Variants in LDB3 observed in about 807,000 individuals in gnomAD.
The protein encoded by LDB3 is LIM domain-binding protein 3.
A neutral mutation model predicts 69.0 loss-of-function variants in LDB3; 49 were observed. That is an observed-to-expected ratio of 0.71 (90% CI 0.56 to 0.90). The LOEUF (loss-of-function observed/expected upper bound fraction) is 0.90, where lower values mean the gene tolerates loss of function less well. LDB3 is among the 40% of genes least tolerant of loss of function. LDB3 has a pLI of 0.00. For missense variants in LDB3, 928 were observed against 974.1 expected (o/e 0.95, Z 0.63); for synonymous variants, 387 against 396.2 (o/e 0.98, Z 0.28).
Position 86,681,275 on chromosome 10 carries a change from A to G in LDB3, c.322-161A>G, listed in dbSNP as rs2675686. ...GAGCCATGTGCCTGCCTGCTCCTCC[A>G]CCAGTGTCCTCCCCTCCAAGTGCTG... On this transcript the variant is annotated intron_variant, in intron 4 of 13. Coordinates refer to ENST00000361373, the MANE Select transcript of LDB3 (RefSeq NM_007078.3). Among the ~76,000 whole-genome samples the G allele has an allele frequency of 0.23, 34,925 of 152,310 alleles. 4,519 individuals are homozygous for G. The highest frequency in any genetic ancestry group is 0.34 in the African/African-American group (14,208 of 41,560).
chr10:86,693,836 C>T (rs1405105891), intron 7 of LDB3, among the ~76,000 whole-genome samples: 1 of 152,210 alleles, frequency 6.6e-6, no homozygotes, highest in Non-Finnish European at 1.5e-5. Context: ...TCTTAGAAGC[C>T]ACCCATGTAG....
intron 5 of LDB3, among the ~76,000 whole-genome samples, chr10:86,689,548 C>A (rs554366464): frequency 6.6e-6 from 1 of 152,340 alleles, no homozygotes; most frequent in African/African-American, 2.4e-5. Context: ...GGGTGCATAC[C>A]TGTGTTCTTC....
chr10:86,708,470 C>T (rs1846525694), intron 8 of LDB3, among the ~76,000 whole-genome samples: 1 of 152,166 alleles, frequency 6.6e-6, no homozygotes, highest in Non-Finnish European at 1.5e-5. Context: ...TGACTCAGGA[C>T]CTGTAGCTCC....
At chr10:86,709,602 A>G (rs1846563334) in intron 8 of LDB3, among the ~76,000 whole-genome samples, 1 of 151,992 alleles carries the variant, frequency 6.6e-6, no homozygotes, top group Admixed American at 6.5e-5. Flanking sequence ...TCCCCTACCT[A>G]TGCGCTCTTC....
intron 5 of LDB3, among the ~76,000 whole-genome samples, chr10:86,684,179 A>G (rs10887648): frequency 0.2 from 29,764 of 152,206 alleles, 3,396 homozygotes; most frequent in African/African-American, 0.32. Context: ...CTCCCTTCTG[A>G]GGCTGGCACT....
chr10:86,705,860 TG>T (rs1277833976), intron 7 of LDB3, among the ~76,000 whole-genome samples: 6 of 152,332 alleles, frequency 3.9e-5, no homozygotes, highest in Admixed American at 3.9e-4. Flanking sequence ...ACCATGGGCA[TG>T]GGGAACCCTG....
chr10:86,674,761 A>G (rs1844689362), intron 2 of LDB3, among the ~76,000 whole-genome samples: 1 of 152,190 alleles, frequency 6.6e-6, no homozygotes, highest in Non-Finnish European at 1.5e-5. Context: ...GAAACACAGA[A>G]AGGAAAGAGG....
intron 7 of LDB3, 58 bp from the exon 8 acceptor site, chr10:86,706,473 G>A: frequency 6.3e-7 from 1 of 1,582,224 alleles, no homozygotes; most frequent in Non-Finnish European, 8.6e-7. Context: ...ATGCAGAGGG[G>A]CCTCACAGGG....
At chr10:86,721,246 T>C (rs56999074) in intron 12 of LDB3, among the ~76,000 whole-genome samples, 1 of 152,334 alleles carries the variant, frequency 6.6e-6, no homozygotes, top group Non-Finnish European at 1.5e-5. Flanking sequence ...TTATTTTCTG[T>C]TTTTTAAAAA....
intron 13 of LDB3, among the ~76,000 whole-genome samples, chr10:86,731,129 T>C (rs1847441354): frequency 6.9e-6 from 1 of 145,726 alleles, no homozygotes; most frequent in African/African-American, 2.5e-5. Flanking sequence ...CACTCCAGCC[T>C]GGGTGACAGA....
At chr10:86,724,618 TAAA>T (rs1488787730) in intron 12 of LDB3, among the ~76,000 whole-genome samples, 1 of 150,040 alleles carries the variant, frequency 6.7e-6, no homozygotes, top group Non-Finnish European at 1.5e-5. Flanking sequence ...AAAATAAAAA[TAAA>T]AAATAAATAA....
upstream of LDB3, chr10:86,666,956 C>A (rs947486093): frequency 6.9e-6 from 3 of 432,014 alleles, no homozygotes; most frequent in Non-Finnish European, 1.4e-5. Flanking sequence ...TGGACAAACA[C>A]CCCTAGGAAA....
chr10:86,667,571 C>A (rs1844229701), upstream of LDB3, among the ~76,000 whole-genome samples: 1 of 152,226 alleles, frequency 6.6e-6, no homozygotes, highest in South Asian at 2.1e-4. Flanking sequence ...CTGTGTCTAG[C>A]AGCTGAGCAA....
intron 5 of LDB3, among the ~76,000 whole-genome samples, chr10:86,686,098 C>T (rs187404591): frequency 6.6e-6 from 1 of 152,204 alleles, no homozygotes; most frequent in East Asian, 1.9e-4. Context: ...GCCCGGGGAG[C>T]GCACCTATCC....
At chr10:86,727,044 A>G in intron 13 of LDB3, among the ~76,000 whole-genome samples, 1 of 143,590 alleles carries the variant, frequency 7.0e-6, no homozygotes. Context: ...TTTGAGATAG[A>G]GTTTCTGCTC....
intron 12 of LDB3, among the ~76,000 whole-genome samples, chr10:86,722,373 G>A (rs942118614): frequency 1.3e-5 from 2 of 151,324 alleles, no homozygotes; most frequent in Admixed American, 1.3e-4. Context: ...CAATTCTCCT[G>A]CCTCAGCCTC....
rs1845139039 is a variant in LDB3 at position 86,681,633 on chromosome 10, C to G, written c.519C>G (p.Ser173Arg). 6.2e-7 allele frequency: 1 copy of G among 1,613,070 alleles called. No homozygotes were observed. Among genetic ancestry groups the G allele is most frequent in the Non-Finnish European group, 8.5e-7 (1 of 1,179,818 alleles). The change falls in exon 5 of 14, where the codon AGC becomes AGG. Residue 173 changes from serine (S) to arginine (R), a missense_variant. By Grantham distance (110) the Ser-to-Arg change is moderately radical. Transcript: ENST00000361373. ...PPRASLRAKT[S>R]PEGARDLLGP... ...GGGCCAGCCTGAGGGCCAAGACCAG[C>G]CCAGAGGGGGCCCGGGACCTACTCG...
intron 2 of LDB3, among the ~76,000 whole-genome samples, chr10:86,676,773 G>A (rs1346270369): frequency 1.3e-5 from 2 of 152,204 alleles, no homozygotes; most frequent in Admixed American, 1.3e-4. Context: ...ATCTGGGAAT[G>A]GGCTGGACAC....
In LDB3 at chr10:86,681,442, G is replaced by A. The variant is rs768737496; in HGVS notation, c.328G>A (p.Ala110Thr). 29 of 1,602,356 alleles carry A rather than the reference G, an allele frequency of 1.8e-5. No homozygotes were observed. The highest frequency in any genetic ancestry group is 4.5e-5 in the East Asian group (2 of 44,874). ...LPVIPHQKDP[A>T]LDTNGSLVAP... ...ATGGCCTGCCCTGTGCCAGGACCCC[G>A]CTCTGGACACGAACGGCAGCCTGGT... Residue 110 changes from alanine (A) to threonine (T), a missense_variant, in exon 5 of 14, where the codon GCT (alanine) becomes ACT (threonine). Ala to Thr is a moderately conservative substitution (Grantham distance 58). Transcript: ENST00000361373.
Sources: gnomAD v4.1 joint callset for allele counts (sites outside exome capture counted in the v4.1 genomes callset) on GRCh38, gnomAD v4.1.1 for gene constraint, MANE v1.5 for transcripts, NCBI Gene and HGNC (gene_info 2026-07-23, HGNC 2026-07-21) for gene names.